The following COL14A1 variants were observed in gnomAD, a reference collection of about 807,000 sequenced individuals.
COL14A1 encodes collagen alpha-1(XIV) chain.
A neutral mutation model predicts 230.3 loss-of-function variants in COL14A1; 136 were observed. The observed-to-expected ratio is 0.59, with a 90% confidence interval of 0.51 to 0.68. COL14A1 has a LOEUF of 0.68. Among genes scored for constraint, COL14A1 ranks in the 30% least tolerant of loss-of-function variants. The pLI is 0.00. For synonymous variants in COL14A1, 792 were observed against 784.1 expected (o/e 1.01, Z -0.17); for missense variants, 1,976 against 2,215.8 (o/e 0.89, Z 2.17).
intron 40 of COL14A1, among the ~76,000 whole-genome samples, chr8:120,330,499 A>G (rs1206822899): frequency 1.3e-5 from 2 of 152,316 alleles, no homozygotes; most frequent in Middle Eastern, 6.8e-3. Flanking sequence ...GAGCATGTGC[A>G]GGGGAACCCC....
chr8:120,217,987 T>TTG (rs1264905972), intron 14 of COL14A1, among the ~76,000 whole-genome samples: 1 of 140,884 alleles, frequency 7.1e-6, no homozygotes, highest in African/African-American at 2.6e-5. Flanking sequence ...TAATATATAT[T>TTG]TACAAATATA....
intron 1 of COL14A1, among the ~76,000 whole-genome samples, chr8:120,140,973 G>A (rs1263958921): frequency 2.0e-5 from 3 of 152,166 alleles, no homozygotes; most frequent in African/African-American, 7.2e-5. Flanking sequence ...AGAGAACTAA[G>A]TAGCCATTTC....
At chr8:120,198,932 A>G (rs989031065) in intron 7 of COL14A1, among the ~76,000 whole-genome samples, 1 of 152,210 alleles carries the variant, frequency 6.6e-6, no homozygotes, top group Non-Finnish European at 1.5e-5. Context: ...CTGGATGGAA[A>G]GTGTCATGCT....
Position 120,317,342 on chromosome 8 carries a change from C to A in COL14A1, c.4659+1345C>A, listed in dbSNP as rs937308643. ...ATGTAGATGCGCAAGCCTTCTACAT[C>A]CCCCCCTTTTTTTTAACACCAAACT... is the stretch of plus-strand genomic sequence containing the variant. On this transcript the variant is annotated intron_variant, in intron 40 of 47. Coordinates refer to ENST00000297848, the MANE Select transcript of COL14A1 (RefSeq NM_021110.4). Among the ~76,000 whole-genome samples the A allele has an allele frequency of 2.0e-5, 3 of 151,860 alleles. No homozygotes were observed. The South Asian group carries it at 6.2e-4, about 32-fold the overall frequency.
Position 120,281,059 on chromosome 8 carries a change from G to A in COL14A1, c.3824G>A (p.Arg1275Lys). The change falls in exon 31 of 48, where the codon AGG (arginine) becomes AAG (lysine). Residue 1275 changes from arginine (R) to lysine (K), a missense_variant and splice_region_variant. Physicochemically the swap from Arg to Lys is conservative, Grantham distance 26. Coordinates refer to ENST00000297848, the MANE Select transcript of COL14A1 (RefSeq NM_021110.4). ...HKDALVSQPTRYLHPEGLPSD... is the reference protein window; with the variant it reads ...HKDALVSQPTKYLHPEGLPSD... ...GATGCCCTGGTTTCCCAGCCAACCAGGTATGTTTCTGTTGAAAGATTTTAA... is the reference window on the plus strand; with the variant it reads ...GATGCCCTGGTTTCCCAGCCAACCAAGTATGTTTCTGTTGAAAGATTTTAA... The A allele has an allele frequency of 6.3e-7, 1 of 1,599,270 alleles. No individual in the cohort carries two copies. Among genetic ancestry groups the A allele is most frequent in the Non-Finnish European group, 8.5e-7 (1 of 1,175,566 alleles).
intron 19 of COL14A1, among the ~76,000 whole-genome samples, chr8:120,237,927 G>T (rs1396352987): frequency 3.3e-5 from 5 of 152,122 alleles, no homozygotes; most frequent in African/African-American, 1.2e-4. Context: ...TGTGTGCCTG[G>T]GTATCATCAG....
At chr8:120,357,172 G>A (rs35248031) in intron 45 of COL14A1, among the ~76,000 whole-genome samples, 1 of 151,488 alleles carries the variant, frequency 6.6e-6, no homozygotes, top group Non-Finnish European at 1.5e-5. Flanking sequence ...CGTGGGTCCT[G>A]TTGGCTAAGA....
chr8:120,345,539 G>T lies in COL14A1; in HGVS notation c.5053G>T (p.Val1685Leu). The T allele has an allele frequency of 1.9e-6, 3 of 1,562,740 alleles. No homozygotes were observed. Among genetic ancestry groups the T allele is most frequent in the East Asian group, 4.7e-5 (2 of 42,172 alleles). ...ACCAGGCTTCCCCGGAAATGCAGGC[G>T]TGCCAGGGACCCCAGGAGAACGAGG... ...GTPGFPGNAG[V>L]PGTPGERGLT... is the part of the protein sequence containing the mutation. Residue 1685 changes from valine (V) to leucine (L), a missense_variant, in exon 45 of 48, where the codon GTG (valine) becomes TTG (leucine). Transcript: ENST00000297848.
chr8:120,336,749 T>C (rs866151651), intron 42 of COL14A1, among the ~76,000 whole-genome samples: 4 of 152,336 alleles, frequency 2.6e-5, no homozygotes, highest in Middle Eastern at 6.8e-3. Flanking sequence ...AGTCACACAT[T>C]ATTTAAAGTT....
intron 32 of COL14A1, among the ~76,000 whole-genome samples, chr8:120,284,658 G>C (rs1053456450): frequency 2.0e-5 from 3 of 152,164 alleles, no homozygotes; most frequent in Non-Finnish European, 4.4e-5. Flanking sequence ...TGATATTGTG[G>C]AAGCATTTTG....
chr8:120,310,511 G>T (rs1048738124), intron 37 of COL14A1, among the ~76,000 whole-genome samples: 1 of 152,040 alleles, frequency 6.6e-6, no homozygotes. Context: ...CATTCTTACT[G>T]CCCAGGGTCA....
At chr8:120,296,944 T>G (rs967571896) in intron 34 of COL14A1, among the ~76,000 whole-genome samples, 3 of 152,040 alleles carry the variant, frequency 2.0e-5, no homozygotes, top group Non-Finnish European at 2.9e-5. Context: ...ACTATGATTT[T>G]TTAAAAAATG....
intron 1 of COL14A1, among the ~76,000 whole-genome samples, chr8:120,130,832 A>G (rs909354796): frequency 3.9e-5 from 6 of 152,188 alleles, no homozygotes; most frequent in African/African-American, 1.4e-4. Flanking sequence ...GGTAGTGAGC[A>G]TAGTACCCAA....
At chr8:120,147,247 T>C (rs1031980438) in intron 1 of COL14A1, among the ~76,000 whole-genome samples, 6 of 152,100 alleles carry the variant, frequency 3.9e-5, no homozygotes, top group Admixed American at 6.6e-5. Context: ...GAGTTTTAGA[T>C]TCACTTATAT....
chr8:120,314,826 GC>G (rs1388483039), intron 38 of COL14A1, among the ~76,000 whole-genome samples: 1 of 152,054 alleles, frequency 6.6e-6, no homozygotes, highest in Non-Finnish European at 1.5e-5. Context: ...TTCTGTGTTT[GC>G]TTTTCCCTTC....
At chr8:120,150,026 G>C (rs1325758602) in intron 2 of COL14A1, among the ~76,000 whole-genome samples, 1 of 152,090 alleles carries the variant, frequency 6.6e-6, no homozygotes, top group Non-Finnish European at 1.5e-5. Flanking sequence ...CACTTATGGG[G>C]CATATTCTAT....
chr8:120,213,888 C>T (rs1817678760), intron 13 of COL14A1: 2 of 400,490 alleles, frequency 5.0e-6, no homozygotes, highest in Middle Eastern at 3.5e-4. Flanking sequence ...AATGTGCACA[C>T]TACTTAATTA....
rs775357224 is a variant in COL14A1, at chr8:120,372,929, G to A, written c.*1698G>A. ...TCAGCAGCCATTTCCTTTCAGTTAT[G>A]GTATATGATTCTGCCTGAGAAAGCA... On this transcript the variant is annotated 3_prime_UTR_variant, in exon 48 of 48. Transcript: ENST00000297848. Among the ~76,000 whole-genome samples, 30 of 152,160 alleles carry A rather than the reference G, an allele frequency of 2.0e-4. No homozygotes were observed. The highest frequency in any genetic ancestry group is 3.2e-4 in the Non-Finnish European group (22 of 68,016).
chr8:120,370,249 G>A (rs1378174654), intron 47 of COL14A1: 1 of 1,366,446 alleles, frequency 7.3e-7, no homozygotes, highest in Non-Finnish European at 1.0e-6. Flanking sequence ...GTTATCACAG[G>A]AATTGGTCAA....
Sources: gnomAD v4.1 joint callset for allele counts (sites outside exome capture counted in the v4.1 genomes callset) on GRCh38, gnomAD v4.1.1 for gene constraint, MANE v1.5 for transcripts, NCBI Gene and HGNC (gene_info 2026-07-23, HGNC 2026-07-21) for gene names.